Variants in ATP8B1 observed in about 807,000 individuals in gnomAD.
ATP8B1 encodes ATPase phospholipid transporting 8B1.
Under a neutral mutation model 149.9 loss-of-function variants are expected in ATP8B1, and 80 were observed. The observed-to-expected ratio is 0.53, with a 90% CI of 0.45 to 0.64. The LOEUF (loss-of-function observed/expected upper bound fraction) is 0.64, where lower values mean the gene tolerates loss of function less well. Among genes scored for constraint, ATP8B1 ranks in the 30% least tolerant of loss-of-function variants. The pLI is 0.00. For synonymous variants in ATP8B1, 536 were observed against 562.8 expected, an observed-to-expected ratio of 0.95 and a Z score of 0.67; for missense variants, 1,247 against 1,552.6, an observed-to-expected ratio of 0.80 and a Z score of 3.31.
rs1328654182 is a variant in ATP8B1, at chr18:57,661,404, G to A, written c.2477C>T (p.Pro826Leu). Residue 826 changes from proline (P) to leucine (L), a missense_variant, in exon 22 of 28, where the codon CCA becomes CTA. Coordinates refer to ENST00000648908, the MANE Select transcript of ATP8B1 (RefSeq NM_001374385.1). Reference protein sequence around the residue: ...KRNKILKLKFPRTEEERRMRT... With the variant: ...KRNKILKLKFLRTEEERRMRT... ...CATCCGTCTTTCTTCTTCTGTTCTT[G>A]GGAACTTCAGCTTCAGAATCTTATT... 1.2e-6 allele frequency: 2 copies of A among 1,613,624 alleles called. No homozygotes were observed. The highest frequency in any genetic ancestry group is 1.7e-6 in the Non-Finnish European group (2 of 1,179,928).
intron 12 of ATP8B1, chr18:57,688,794 G>C: frequency 2.3e-6 from 1 of 431,920 alleles, no homozygotes; most frequent in South Asian, 2.2e-5. Flanking sequence ...TCTGCCATGC[G>C]AGGACATAGC....
chr18:57,735,450 C>G (rs1453958206), intron 1 of ATP8B1: 1 of 154,122 alleles, frequency 6.5e-6, no homozygotes, highest in Non-Finnish European at 1.4e-5. Context: ...ACCGCACGGC[C>G]CAAGATTCCA....
chr18:57,649,106 C>T (rs1392837287), intron 27 of ATP8B1, among the ~76,000 whole-genome samples: 1 of 151,894 alleles, frequency 6.6e-6, no homozygotes, highest in African/African-American at 2.4e-5. Flanking sequence ...CCATGTTGGC[C>T]AGGCTGGTCC....
chr18:57,655,134 G>T, intron 23 of ATP8B1, 60 bp downstream of exon 23: 1 of 1,468,964 alleles, frequency 6.8e-7, no homozygotes, highest in Non-Finnish European at 9.5e-7. Flanking sequence ...TTCAGAACTA[G>T]ATTTTTATTC....
chr18:57,747,093 T>G (rs1190646896), intron 1 of ATP8B1, among the ~76,000 whole-genome samples: 1 of 152,168 alleles, frequency 6.6e-6, no homozygotes, highest in East Asian at 1.9e-4. Context: ...CAACCATTAC[T>G]TAGCACTAAG....
intron 15 of ATP8B1, among the ~76,000 whole-genome samples, chr18:57,682,243 A>T (rs551204671): frequency 6.6e-6 from 1 of 152,220 alleles, no homozygotes; most frequent in East Asian, 1.9e-4. Flanking sequence ...TGACCTCATG[A>T]TCTGCCCGCC....
Position 57,671,785 on chromosome 18 carries a change from G to T in ATP8B1, c.1820-205C>A, listed in dbSNP as rs1470874758. Among the ~76,000 whole-genome samples the T allele has an allele frequency of 2.0e-5, 3 of 151,988 alleles. 1 individual carries two copies. In the East Asian group the frequency reaches 5.8e-4, roughly 29 times the overall value. On this transcript the variant is annotated intron_variant, in intron 16 of 27. Coordinates refer to ENST00000648908, the MANE Select transcript of ATP8B1 (RefSeq NM_001374385.1). ...CTACAGGTGCATGCCACCATGCCTG[G>T]CTAATTTTTATTTTTATAGACATTG...
intron 1 of ATP8B1, among the ~76,000 whole-genome samples, chr18:57,787,544 G>A (rs944579918): frequency 2.6e-5 from 4 of 152,178 alleles, no homozygotes; most frequent in African/African-American, 9.7e-5. Flanking sequence ...TGTGGGTGGA[G>A]CTCCATCTAG....
At chr18:57,765,736 G>T (rs2080205846) in intron 1 of ATP8B1, among the ~76,000 whole-genome samples, 1 of 151,756 alleles carries the variant, frequency 6.6e-6, no homozygotes, top group Admixed American at 6.6e-5. Flanking sequence ...GAGCACTTTG[G>T]GAAGCTGACT....
rs886043726 is a variant in ATP8B1, at chr18:57,691,811, C to T, written c.1216G>A (p.Val406Ile). The T allele has an allele frequency of 6.2e-7, 1 of 1,614,098 alleles. No homozygotes were observed. Among genetic ancestry groups the T allele is most frequent in the African/African-American group, 1.3e-5 (1 of 75,042 alleles). The change falls in exon 12 of 28, where the codon GTC becomes ATC. Residue 406 changes from valine to isoleucine, a missense_variant. By Grantham distance (29) the Val-to-Ile change is conservative. Coordinates refer to ENST00000648908, the MANE Select transcript of ATP8B1 (RefSeq NM_001374385.1). ...TGCCAGAGAGGACAGCCTTACCTGA[C>T]ATAGAGAGAGATGGGTACCATGGTG... ...LNTMVPISLY[V>I]SVEVIRLGQS...
intron 11 of ATP8B1, 96 bp downstream of exon 11, chr18:57,694,486 A>G: frequency 2.3e-6 from 2 of 869,306 alleles, no homozygotes; most frequent in Non-Finnish European, 3.7e-6. Flanking sequence ...TATTCCACCT[A>G]AAGAGGTAAG....
Position 57,648,882 on chromosome 18 carries a change from G to GTGTATGTGTA in ATP8B1, c.3532-171_3532-170insTACACATACA, listed in dbSNP as rs1555687076. Among the ~76,000 whole-genome samples the GTGTATGTGTA allele has an allele frequency of 2.2e-3, 291 of 134,740 alleles. 6 individuals are homozygous for GTGTATGTGTA. In the East Asian group the frequency reaches 0.044, roughly 21 times the overall value. 88.4% of individuals were successfully genotyped at this position (134,740 alleles called of 152,430 possible). A position where few individuals can be genotyped will look rare whatever the true frequency, so the allele number is the denominator to read the frequency against. The stretch of plus-strand genomic sequence containing the variant: ...TGTGTGTGTGTGTGTGTGTGTGTGT[G>GTGTATGTGTA]TGTGTATGTGTGTCTATATCTTTTT... On this transcript the variant is annotated intron_variant, in intron 27 of 27. Transcript: ENST00000648908.
chr18:57,651,982 A>G, intron 26 of ATP8B1, 52 bp downstream of exon 26: 2 of 1,577,888 alleles, frequency 1.3e-6, no homozygotes, highest in Non-Finnish European at 1.7e-6. Flanking sequence ...GTCAAAATCT[A>G]AACTAATGAC....
chr18:57,766,078 T>C (rs774257703), intron 1 of ATP8B1, among the ~76,000 whole-genome samples: 11 of 151,590 alleles, frequency 7.3e-5, no homozygotes, highest in Non-Finnish European at 1.5e-4. Flanking sequence ...AGTTTTGCTC[T>C]TGTTGCCCAG....
At chr18:57,671,113 G>A (rs553001263) in intron 17 of ATP8B1, among the ~76,000 whole-genome samples, 17 of 152,220 alleles carry the variant, frequency 1.1e-4, no homozygotes, top group Non-Finnish European at 2.2e-4. Flanking sequence ...ACTACAACTT[G>A]AAGTTAGTGG....
chr18:57,669,198 T>C, intron 18 of ATP8B1, 120 bp downstream of exon 18: 1 of 1,044,966 alleles, frequency 9.6e-7, no homozygotes, highest in Non-Finnish European at 1.4e-6. Flanking sequence ...ATTGTGCCAG[T>C]GTCAAATGCT....
chr18:57,767,204 C>T (rs1306854938), intron 1 of ATP8B1, among the ~76,000 whole-genome samples: 2 of 152,174 alleles, frequency 1.3e-5, no homozygotes, highest in African/African-American at 4.8e-5. Flanking sequence ...AGCTCATCAG[C>T]TCCGGGAGAA....
rs1335583320 is a variant in ATP8B1, at chr18:57,792,186, T to C, written c.-26+10812A>G. Among the ~76,000 whole-genome samples, 3 of 152,236 alleles carry C rather than the reference T, an allele frequency of 2.0e-5. No homozygotes were observed. The East Asian group carries it at 5.8e-4, about 29-fold the overall frequency. On this transcript the variant is annotated intron_variant, in intron 1 of 27. Transcript: ENST00000648908. The stretch of plus-strand genomic sequence containing the variant: ...TCAGTCTATTTGCAACTAGCACACA[T>C]TTCCATGGCCTGTGCTTTTTTTGAA...
chr18:57,652,507 G>C lies in ATP8B1; in HGVS notation c.3238C>G (p.Leu1080Val). 6.2e-7 allele frequency: 1 copy of C among 1,614,200 alleles called. No homozygotes were observed. The highest frequency in any genetic ancestry group is 8.5e-7 in the Non-Finnish European group (1 of 1,180,038). The change falls in exon 25 of 28, where the codon CTT becomes GTT. Residue 1080 changes from leucine (L) to valine (V), a missense_variant. By Grantham distance (32) the Leu-to-Val change is conservative. Coordinates refer to ENST00000648908, the MANE Select transcript of ATP8B1 (RefSeq NM_001374385.1). ...QSFAVTIASALVITVNFQIGL... is the reference protein window; with the variant it reads ...QSFAVTIASAVVITVNFQIGL... Reference sequence around the variant, plus strand: ...ACCTGGAAATTGACTGTTATTACAAGAGCAGAGGCAATGGTGACGGCAAAA... The same window carrying C: ...ACCTGGAAATTGACTGTTATTACAACAGCAGAGGCAATGGTGACGGCAAAA...
Sources: gnomAD v4.1 joint callset for allele counts (sites outside exome capture counted in the v4.1 genomes callset) on GRCh38, gnomAD v4.1.1 for gene constraint, MANE v1.5 for transcripts, NCBI Gene and HGNC (gene_info 2026-07-23, HGNC 2026-07-21) for gene names.